Variants in XKR4 observed in about 807,000 individuals in gnomAD.
The protein encoded by XKR4 is XK-related protein 4.
A neutral mutation model predicts 53.9 loss-of-function variants in XKR4; 12 were observed. That is an observed-to-expected ratio of 0.22 (90% CI 0.14 to 0.36). The LOEUF is 0.36. Among genes scored for constraint, XKR4 ranks in the 10% least tolerant of loss-of-function variants. The pLI, the probability that XKR4 is intolerant of heterozygous loss-of-function variation, is 1.00. For synonymous variants in XKR4, 354 were observed against 362.4 expected (o/e 0.98, Z 0.26); for missense variants, 799 against 859.5 (o/e 0.93, Z 0.88).
chr8:55,186,050 T>A (rs1817372932), intron 1 of XKR4, among the ~76,000 whole-genome samples: 1 of 151,996 alleles, frequency 6.6e-6, no homozygotes, highest in East Asian at 1.9e-4. Context: ...ATTCTAAGGT[T>A]TTAGACATTC....
intron 1 of XKR4, among the ~76,000 whole-genome samples, chr8:55,331,643 G>A (rs73606992): frequency 0.098 from 14,925 of 152,074 alleles, 2,291 homozygotes; most frequent in African/African-American, 0.33. Context: ...AGGCATATAC[G>A]TTGTAATTGT....
At chr8:55,467,535 C>T (rs1401988662) in intron 2 of XKR4, among the ~76,000 whole-genome samples, 1 of 151,996 alleles carries the variant, frequency 6.6e-6, no homozygotes, top group Non-Finnish European at 1.5e-5. Flanking sequence ...TAGAAATCTC[C>T]CTCCCACAAA....
chr8:55,160,379 G>C (rs114578492), intron 1 of XKR4, among the ~76,000 whole-genome samples: 1 of 152,276 alleles, frequency 6.6e-6, no homozygotes, highest in African/African-American at 2.4e-5. Flanking sequence ...GAGGGAGTAG[G>C]ATCAGTGGAT....
chr8:55,475,948 A>G (rs769399612), intron 2 of XKR4, among the ~76,000 whole-genome samples: 5 of 151,800 alleles, frequency 3.3e-5, no homozygotes, highest in Non-Finnish European at 7.4e-5. Flanking sequence ...GGTTTTGCCA[A>G]TTGCTTGGGC....
At chr8:55,394,294 A>G (rs1804485683) in intron 2 of XKR4, among the ~76,000 whole-genome samples, 1 of 152,200 alleles carries the variant, frequency 6.6e-6, no homozygotes, top group South Asian at 2.1e-4. Flanking sequence ...CAAGGAGCTT[A>G]CTGCCTAATT....
At chr8:55,520,056 A>G (rs973036365) in intron 2 of XKR4, among the ~76,000 whole-genome samples, 11 of 152,258 alleles carry the variant, frequency 7.2e-5, no homozygotes, top group Admixed American at 7.2e-4. Context: ...ACTGCATATC[A>G]GAAGCTCCAG....
chr8:55,309,292 G>GA (rs1443454010), intron 1 of XKR4, among the ~76,000 whole-genome samples: 5 of 152,168 alleles, frequency 3.3e-5, no homozygotes, highest in African/African-American at 7.2e-5. Flanking sequence ...TATACTGGGT[G>GA]AAAAAACCCA....
intron 2 of XKR4, chr8:55,454,874 G>C (rs769775070): frequency 2.8e-5 from 21 of 763,212 alleles, no homozygotes; most frequent in Non-Finnish European, 5.1e-5. Flanking sequence ...CATCCTTAGC[G>C]CGTGTCGTTT....
rs146402833 is a variant in XKR4, at chr8:55,443,734, G to C, written c.1007-79547G>C. ...CCTGTGCCTGTAGTCCCAGCTACTC[G>C]GGAGACTGAGGCAAGGGAATCACTT... On this transcript the variant is annotated intron_variant, in intron 2 of 2. Coordinates refer to ENST00000327381, the MANE Select transcript of XKR4 (RefSeq NM_052898.2). 1.0e-3 allele frequency among the ~76,000 whole-genome samples: 158 copies of C among 150,562 alleles called. 1 individual carries two copies. Among genetic ancestry groups the C allele is most frequent in the African/African-American group, 3.8e-3 (156 of 40,968 alleles).
chr8:55,477,948 T>G (rs1045643834), intron 2 of XKR4, among the ~76,000 whole-genome samples: 1 of 152,052 alleles, frequency 6.6e-6, no homozygotes, highest in African/African-American at 2.4e-5. Context: ...TTGAAAGTGA[T>G]GGGGAGAATG....
intron 2 of XKR4, among the ~76,000 whole-genome samples, chr8:55,475,762 C>A (rs930194609): frequency 6.6e-6 from 1 of 151,824 alleles, no homozygotes; most frequent in East Asian, 1.9e-4. Flanking sequence ...ACCACCACGC[C>A]CAGCTAATTT....
At chr8:55,173,304 TTA>T (rs1817187400) in intron 1 of XKR4, among the ~76,000 whole-genome samples, 1 of 152,098 alleles carries the variant, frequency 6.6e-6, no homozygotes, top group African/African-American at 2.4e-5. Context: ...TTTTTTTTTT[TTA>T]ATTATTGTTG....
Position 55,120,286 on chromosome 8 carries a change from C to T in XKR4, c.806+16992C>T, listed in dbSNP as rs190982971. Among the ~76,000 whole-genome samples, 791 of 152,292 alleles carry T rather than the reference C, an allele frequency of 5.2e-3. 8 individuals are homozygous for T. Among genetic ancestry groups the T allele is most frequent in the African/African-American group, 0.018 (752 of 41,574 alleles). On this transcript the variant is annotated intron_variant, in intron 1 of 2. Coordinates refer to ENST00000327381, the MANE Select transcript of XKR4 (RefSeq NM_052898.2). Reference sequence around the variant, plus strand: ...TTCTCCCTTTTCTCAGTTCCCTAAGCTCTCACTGTAGCACATGTTTTGAGT... The same window carrying T: ...TTCTCCCTTTTCTCAGTTCCCTAAGTTCTCACTGTAGCACATGTTTTGAGT...
At chr8:55,454,153 G>A in intron 2 of XKR4, 1 of 937,900 alleles carries the variant, frequency 1.1e-6, no homozygotes, top group Non-Finnish European at 1.8e-6. Flanking sequence ...CCGGGTCCAG[G>A]ACCATTCTTA....
At chr8:55,506,971 AATATT>A (rs1221334014) in intron 2 of XKR4, among the ~76,000 whole-genome samples, 12 of 152,188 alleles carry the variant, frequency 7.9e-5, no homozygotes, top group Non-Finnish European at 1.6e-4. Context: ...AAGCTCAGTT[AATATT>A]AGCTTAGGGT....
rs1474731573 is a variant in XKR4, at chr8:55,533,364, G to A, written c.*9137G>A. ...AGACCTGTCAGCTAGTGAAAGAATT[G>A]TCATTTTATATCATTCTTTCAAAAA... On this transcript the variant is annotated 3_prime_UTR_variant, in exon 3 of 3. Transcript: ENST00000327381. 2 of 152,130 alleles carry A rather than the reference G, an allele frequency of 1.3e-5. No individual in the cohort carries two copies. Among genetic ancestry groups the A allele is most frequent in the South Asian group, 2.1e-4 (1 of 4,824 alleles). The allele number at this position is 152,130 out of a possible 1,614,324, so 9.4% of individuals were successfully genotyped here. A position where few individuals can be genotyped will look rare whatever the true frequency, so the allele number is the denominator to read the frequency against.
chr8:55,351,815 T>A (rs1189678346), intron 1 of XKR4, among the ~76,000 whole-genome samples: 1 of 152,234 alleles, frequency 6.6e-6, no homozygotes, highest in East Asian at 1.9e-4. Flanking sequence ...ATCCTTTATT[T>A]TCCATACAAT....
At position 55,297,064 on chromosome 8, in the gene XKR4, C is replaced by G. The variant is rs139464233; in HGVS notation, c.807-60614C>G. On this transcript the variant is annotated intron_variant, in intron 1 of 2. Coordinates refer to ENST00000327381, the MANE Select transcript of XKR4 (RefSeq NM_052898.2). ...AGCAATAGAAAACACATTTCAAAAG[C>G]CTATTCTGTGCTAGACTACATTCCA... is the stretch of plus-strand genomic sequence containing the variant. Among the ~76,000 whole-genome samples, 650 of 151,922 alleles carry G rather than the reference C, an allele frequency of 4.3e-3. 9 individuals carry two copies. The highest frequency in any genetic ancestry group is 0.015 in the African/African-American group (604 of 41,216).
intron 2 of XKR4, chr8:55,452,614 C>A: frequency 1.7e-6 from 2 of 1,143,326 alleles, no homozygotes; most frequent in South Asian, 1.2e-5. Flanking sequence ...TTTATCTGGA[C>A]GATGTCTGGC....
Sources: allele counts gnomAD v4.1 joint callset (sites outside exome capture counted in the v4.1 genomes callset), GRCh38; gene constraint gnomAD v4.1.1; transcripts MANE v1.5; gene names NCBI Gene and HGNC (gene_info 2026-07-23, HGNC 2026-07-21).